Variants in KLF12 observed in about 807,000 individuals in gnomAD.
KLF12 encodes the protein Krueppel-like factor 12.
Under a neutral mutation model 37.8 loss-of-function variants are expected in KLF12, and 9 were observed. That is an observed-to-expected ratio of 0.24 (90% confidence interval 0.14 to 0.42). The LOEUF (loss-of-function observed/expected upper bound fraction) is 0.42, where lower values mean the gene tolerates loss of function less well. KLF12 is among the 10% of genes least tolerant of loss of function. The pLI is 1.00. For missense variants in KLF12, 411 were observed against 516.0 expected (o/e 0.80, Z 1.97); for synonymous variants, 208 against 202.1 (o/e 1.03, Z -0.25).
chr13:73,968,964 A>G (rs151032445), intron 2 of KLF12, among the ~76,000 whole-genome samples: 1 of 151,774 alleles, frequency 6.6e-6, no homozygotes, highest in Non-Finnish European at 1.5e-5. Context: ...TGGATTTCCC[A>G]TAAAGTGTCT....
rs1450218445 is a variant in KLF12, at chr13:73,686,795, T to G, written c.*8695A>C. 1 of 152,312 alleles carries G rather than the reference T, an allele frequency of 6.6e-6. No individual in the cohort carries two copies. Among genetic ancestry groups the G allele is most frequent in the Non-Finnish European group, 1.5e-5 (1 of 68,026 alleles). 9.4% of individuals were successfully genotyped at this position (152,312 alleles called of 1,614,324 possible). A position where few individuals can be genotyped will look rare whatever the true frequency, so the allele number is the denominator to read the frequency against. On this transcript the variant is annotated 3_prime_UTR_variant, in exon 8 of 8. Coordinates refer to ENST00000377669, the MANE Select transcript of KLF12 (RefSeq NM_007249.5). ...GAGGCTTCAAGCCTAGAATAACTGTTTTGTAAACTAAAGGATGTTTCTGTA... is the reference window on the plus strand; with the variant it reads ...GAGGCTTCAAGCCTAGAATAACTGTGTTGTAAACTAAAGGATGTTTCTGTA...
intron 6 of KLF12, among the ~76,000 whole-genome samples, chr13:73,725,780 T>C (rs1876611887): frequency 6.6e-6 from 1 of 151,984 alleles, no homozygotes; most frequent in Non-Finnish European, 1.5e-5. Context: ...TTGTTAGCTA[T>C]GGTATCTTGG....
At chr13:74,003,160 T>C (rs555757208) in intron 1 of KLF12, among the ~76,000 whole-genome samples, 8 of 152,124 alleles carry the variant, frequency 5.3e-5, no homozygotes, top group Non-Finnish European at 7.4e-5. Flanking sequence ...AGTAACACCA[T>C]AGGGAGCTCT....
chr13:74,048,730 C>T (rs1893611056), intron 1 of KLF12, among the ~76,000 whole-genome samples: 1 of 152,084 alleles, frequency 6.6e-6, no homozygotes, highest in South Asian at 2.1e-4. Context: ...AATATGACTT[C>T]TGAGTAAAGA....
At chr13:74,055,447 T>C (rs188485942) in intron 1 of KLF12, among the ~76,000 whole-genome samples, 2 of 152,324 alleles carry the variant, frequency 1.3e-5, no homozygotes, top group East Asian at 3.8e-4. Flanking sequence ...ATTTTCTTGG[T>C]TCTTTACAAG....
intron 1 of KLF12, among the ~76,000 whole-genome samples, chr13:74,126,808 G>C (rs1392124194): frequency 1.3e-5 from 2 of 152,116 alleles, no homozygotes; most frequent in Non-Finnish European, 2.9e-5. Context: ...GCATTTCAGA[G>C]GTGACACGTA....
At chr13:73,743,602 A>C (rs1327609658) in intron 6 of KLF12, among the ~76,000 whole-genome samples, 1 of 152,190 alleles carries the variant, frequency 6.6e-6, no homozygotes, top group Non-Finnish European at 1.5e-5. Context: ...AGTTACAAGG[A>C]AACTTCTTTC....
chr13:74,140,927 G>T, the KLF12 span, among the ~76,000 whole-genome samples: 103 of 118,068 alleles, frequency 8.7e-4, 1 homozygote, highest in Non-Finnish European at 1.5e-3. Context: ...GTGGTGGCAG[G>T]CGCCTGTAAT....
the KLF12 span, among the ~76,000 whole-genome samples, chr13:74,180,456 T>A: frequency 6.6e-5 from 10 of 152,350 alleles, no homozygotes; most frequent in Admixed American, 6.5e-4. Flanking sequence ...TGAAATGGGG[T>A]TGGCTAACCA....
chr13:73,899,507 T>A (rs561639498), intron 3 of KLF12, among the ~76,000 whole-genome samples: 1 of 152,334 alleles, frequency 6.6e-6, no homozygotes, highest in South Asian at 2.1e-4. Context: ...GGCTTTGTGA[T>A]GGTTACTGGC....
chr13:73,706,607 G>T (rs138765805), intron 7 of KLF12, among the ~76,000 whole-genome samples: 2 of 152,286 alleles, frequency 1.3e-5, no homozygotes, highest in East Asian at 3.9e-4. Context: ...TGTTTTCCTT[G>T]TTGGAGGTGG....
the KLF12 span, among the ~76,000 whole-genome samples, chr13:74,147,467 C>T: frequency 6.6e-6 from 1 of 152,202 alleles, no homozygotes; most frequent in Non-Finnish European, 1.5e-5. Context: ...CATTGTGAAT[C>T]TGGGAGACTG....
intron 6 of KLF12, among the ~76,000 whole-genome samples, chr13:73,729,085 T>C (rs1245752467): frequency 6.6e-6 from 1 of 152,228 alleles, no homozygotes; most frequent in Non-Finnish European, 1.5e-5. Flanking sequence ...TATATTTTTA[T>C]GCTATCAGCC....
At chr13:73,758,390 GACA>G (rs1163792242) in intron 6 of KLF12, among the ~76,000 whole-genome samples, 1 of 152,122 alleles carries the variant, frequency 6.6e-6, no homozygotes, top group Admixed American at 6.6e-5. Flanking sequence ...AACAAAAATA[GACA>G]ACAATAGACT....
chr13:74,175,281 T>C, the KLF12 span, among the ~76,000 whole-genome samples: 1,652 of 152,290 alleles, frequency 0.011, 36 homozygotes, highest in African/African-American at 0.038. Context: ...CTCTAACTTA[T>C]AAAATGGGAA....
the KLF12 span, among the ~76,000 whole-genome samples, chr13:74,191,597 G>A: frequency 1.2e-4 from 18 of 152,170 alleles, no homozygotes; most frequent in South Asian, 2.1e-3. Context: ...AAATGGTCTC[G>A]GATTTTTCCT....
At chr13:73,929,057 G>A (rs1200096484) in intron 3 of KLF12, among the ~76,000 whole-genome samples, 2 of 152,144 alleles carry the variant, frequency 1.3e-5, no homozygotes, top group East Asian at 3.9e-4. Flanking sequence ...AAAAATGAAT[G>A]TGTTTGAAAT....
intron 1 of KLF12, among the ~76,000 whole-genome samples, chr13:74,042,214 G>C (rs1250567039): frequency 6.7e-6 from 1 of 149,690 alleles, no homozygotes; most frequent in Admixed American, 6.7e-5. Flanking sequence ...TGAGGCAGGA[G>C]AATCACTTGG....
At chr13:73,921,741 G>C (rs1050946269) in intron 3 of KLF12, among the ~76,000 whole-genome samples, 1 of 152,050 alleles carries the variant, frequency 6.6e-6, no homozygotes, top group Non-Finnish European at 1.5e-5. Flanking sequence ...CCTCCCCTGG[G>C]GAATAAATAA....
Sources: allele counts gnomAD v4.1 joint callset (sites outside exome capture counted in the v4.1 genomes callset), GRCh38; gene constraint gnomAD v4.1.1; transcripts MANE v1.5; gene names NCBI Gene and HGNC (gene_info 2026-07-23, HGNC 2026-07-21).